PTPRB: variants seen among roughly 807,000 people sequenced by gnomAD.
The protein encoded by PTPRB is protein tyrosine phosphatase receptor type B.
Under a neutral mutation model 238.1 loss-of-function variants are expected in PTPRB, and 97 were observed. The observed-to-expected ratio is 0.41, with a 90% CI of 0.35 to 0.48. The LOEUF (loss-of-function observed/expected upper bound fraction) is 0.48, where lower values mean the gene tolerates loss of function less well. Ranked by LOEUF, PTPRB falls within the 20% of genes least tolerant of loss-of-function variation. The pLI, the probability that PTPRB is intolerant of heterozygous loss-of-function variation, is 0.30. For synonymous variants in PTPRB, 970 were observed against 995.4 expected (o/e 0.97, Z 0.48); for missense variants, 2,292 against 2,681.9 (o/e 0.85, Z 3.21).
chr12:70,564,400 C>T (rs374088327), intron 15 of PTPRB, among the ~76,000 whole-genome samples: 13 of 151,266 alleles, frequency 8.6e-5, no homozygotes, highest in Admixed American at 3.3e-4. Flanking sequence ...TAGTCCCACT[C>T]GGTATGCACT....
At chr12:70,575,158 C>T (rs757185956) in intron 11 of PTPRB, among the ~76,000 whole-genome samples, 2 of 152,160 alleles carry the variant, frequency 1.3e-5, no homozygotes, top group Non-Finnish European at 2.9e-5. Context: ...CTCTCGGATA[C>T]AGCATGATGG....
rs766697511 is a variant in PTPRB, at chr12:70,521,747, C to T, written c.6626-236G>A. ...CTGTTTTTATGGATGAAGCCATAGGCCCAGAGAGGCAGAGTAACTTACTCA... is the reference window on the plus strand; with the variant it reads ...CTGTTTTTATGGATGAAGCCATAGGTCCAGAGAGGCAGAGTAACTTACTCA... On this transcript the variant is annotated intron_variant, in intron 33 of 33. Transcript: ENST00000334414. Among the ~76,000 whole-genome samples, 99 of 152,278 alleles carry T rather than the reference C, an allele frequency of 6.5e-4. 2 individuals are homozygous for T. Among genetic ancestry groups the T allele is most frequent in the Non-Finnish European group, 2.9e-4 (20 of 68,010 alleles).
Position 70,571,832 on chromosome 12 carries a change from C to G in PTPRB, c.3098G>C (p.Gly1033Ala). 3 of 1,611,774 alleles carry G rather than the reference C, an allele frequency of 1.9e-6. No homozygotes were observed. The highest frequency in any genetic ancestry group is 2.5e-6 in the Non-Finnish European group (3 of 1,178,462). Residue 1033 changes from glycine to alanine, a missense_variant, in exon 12 of 34, where the codon GGG (glycine) becomes GCG (alanine). This residue lies in a region of PTPRB where 1,205 missense variants were observed against 1,287.8 expected (regional missense o/e 0.94). Transcript: ENST00000334414. ...GQYEANEQGN[G>A]RTIPEPVKDL... ...GCAATCGTTCCACTTACTTGTTCTC[C>G]CATTCCCTTGTTCATTGGCTTCATA...
chr12:70,605,256 G>A (rs1168335567), intron 4 of PTPRB, among the ~76,000 whole-genome samples: 2 of 152,114 alleles, frequency 1.3e-5, no homozygotes, highest in African/African-American at 2.4e-5. Flanking sequence ...ATAATCCAAT[G>A]AGAATAGAAT....
intron 28 of PTPRB, among the ~76,000 whole-genome samples, chr12:70,536,846 C>T (rs949293381): frequency 2.0e-5 from 3 of 152,230 alleles, no homozygotes; most frequent in Non-Finnish European, 4.4e-5. Flanking sequence ...TTATCCTCAG[C>T]ATGGTGCCTG....
At position 70,555,893 on chromosome 12, in the gene PTPRB, T is replaced by C. The variant is rs368854754; in HGVS notation, c.4970A>G (p.Asp1657Gly). ...ACGGTCTATCATTGTGATAGTGCTG[T>C]CTTCAACCACCTCGCTGGTCATGCC... is the stretch of plus-strand genomic sequence containing the variant. Reference protein sequence around the residue: ...SAGMTSEVVEDSTITMIDRPP... With the variant: ...SAGMTSEVVEGSTITMIDRPP... Residue 1657 changes from aspartate (D) to glycine (G), a missense_variant, in exon 19 of 34, where the codon GAC (aspartate) becomes GGC (glycine). Asp to Gly is a moderately conservative substitution (Grantham distance 94). Around this residue, in one of 4 missense-constraint regions of PTPRB, gnomAD observed 683 missense variants for 862.0 expected, o/e 0.79. Transcript: ENST00000334414. 1.2e-6 allele frequency: 2 copies of C among 1,612,936 alleles called. No individual in the cohort carries two copies. Among genetic ancestry groups the C allele is most frequent in the Non-Finnish European group, 1.7e-6 (2 of 1,179,872 alleles).
intron 3 of PTPRB, 132 bp downstream of exon 3, chr12:70,622,255 TAGC>T: frequency 7.8e-7 from 1 of 1,287,616 alleles, no homozygotes; most frequent in Non-Finnish European, 1.1e-6. Flanking sequence ...CCTGTACAAT[TAGC>T]AGCCAGGACA....
intron 21 of PTPRB, among the ~76,000 whole-genome samples, chr12:70,550,061 C>T (rs1235277559): frequency 1.3e-5 from 2 of 152,098 alleles, no homozygotes; most frequent in South Asian, 2.1e-4. Flanking sequence ...GCAGGTAATT[C>T]GATAAAGGGT....
chr12:70,599,999 A>G, intron 4 of PTPRB, among the ~76,000 whole-genome samples: 1 of 145,778 alleles, frequency 6.9e-6, no homozygotes, highest in Admixed American at 6.8e-5. Context: ...TTTTAATGTT[A>G]TTTAGAAAGA....
intron 11 of PTPRB, 120 bp from the exon 12 acceptor site, chr12:70,572,207 A>G: frequency 9.4e-7 from 1 of 1,069,108 alleles, no homozygotes; most frequent in East Asian, 2.4e-5. Flanking sequence ...ATTTAAAAGA[A>G]AAATCTTAGA....
rs757480355 is a variant in PTPRB at position 70,534,865 on chromosome 12, C to G, written c.6172G>C (p.Glu2058Gln). The G allele has an allele frequency of 6.2e-7, 1 of 1,614,004 alleles. No homozygotes were observed. Among genetic ancestry groups the G allele is most frequent in the South Asian group, 1.1e-5 (1 of 91,084 alleles). ...ATCTTAAACTCCCGGATGGTCCACT[C>G]AGGCAGGACGGACTCTGAGAGCATC... The part of the protein sequence containing the change: ...LQMLSESVLP[E>Q]WTIREFKICG... Residue 2058 changes from glutamate (E) to glutamine (Q), a missense_variant, in exon 30 of 34, where the codon GAG (glutamate) becomes CAG (glutamine). By Grantham distance (29) the Glu-to-Gln change is conservative. This residue lies in a region of PTPRB where 397 missense variants were observed against 502.0 expected (regional missense o/e 0.79). Coordinates refer to ENST00000334414, the MANE Select transcript of PTPRB (RefSeq NM_001109754.4).
intron 7 of PTPRB, 190 bp downstream of exon 7, chr12:70,592,092 A>C: frequency 1.4e-6 from 1 of 700,796 alleles, no homozygotes; most frequent in Non-Finnish European, 2.3e-6. Flanking sequence ...CATGCAGATC[A>C]TTCAGAAATC....
At chr12:70,524,994 T>C (rs1872213282) in intron 32 of PTPRB, among the ~76,000 whole-genome samples, 1 of 151,614 alleles carries the variant, frequency 6.6e-6, no homozygotes, top group African/African-American at 2.4e-5. Flanking sequence ...TGTGTGTATA[T>C]ATATATATAA....
At chr12:70,617,548 A>G (rs1018600566) in intron 3 of PTPRB, among the ~76,000 whole-genome samples, 7 of 151,950 alleles carry the variant, frequency 4.6e-5, no homozygotes, top group African/African-American at 1.7e-4. Context: ...AGTGAAGGGG[A>G]ATTTTTTCCC....
chr12:70,536,264 C>CT (rs1874109174), intron 28 of PTPRB, 105 bp from the exon 29 acceptor site: 1 of 1,316,812 alleles, frequency 7.6e-7, no homozygotes, highest in Non-Finnish European at 1.0e-6. Flanking sequence ...TGCCAAGTCT[C>CT]TGACTTCAGA....
rs1226009182 is a variant in PTPRB at position 70,571,077 on chromosome 12, A to G, written c.3319T>C (p.Leu1107=). Residue 1107 remains leucine (L), a synonymous_variant, in exon 13 of 34, where the codon TTG becomes CTG. Transcript: ENST00000334414. ...TPGRQYKILV[L]TISGDVQQSA... is the part of the protein sequence containing the mutation. ...TGCTGTACATCCCCGCTAATCGTCA[A>G]GACAAGAATTTTGTATTGGCGGCCT... The G allele has an allele frequency of 1.9e-6, 3 of 1,613,922 alleles. No individual in the cohort carries two copies. The highest frequency in any genetic ancestry group is 2.5e-6 in the Non-Finnish European group (3 of 1,179,910).
At chr12:70,526,195 A>T (rs552051982) in intron 32 of PTPRB, among the ~76,000 whole-genome samples, 1 of 152,234 alleles carries the variant, frequency 6.6e-6, no homozygotes, top group Non-Finnish European at 1.5e-5. Flanking sequence ...AGAACATTTA[A>T]TTTAATTAAT....
At position 70,626,315 on chromosome 12, in the gene PTPRB, C is replaced by A. The variant is rs1409689039; in HGVS notation, c.452-3669G>T. Among the ~76,000 whole-genome samples the A allele has an allele frequency of 4.5e-5, 6 of 134,392 alleles. 1 individual carries two copies. Among genetic ancestry groups the A allele is most frequent in the African/African-American group, 1.7e-4 (6 of 34,530 alleles). 88.2% of individuals were successfully genotyped at this position (134,392 alleles called of 152,430 possible). ...TCCATCCATCTATCTATCTATCTAT[C>A]TATCTATCTATCTATCTATCTATCT... On this transcript the variant is annotated intron_variant, in intron 2 of 33. Transcript: ENST00000334414.
rs990053768 is a variant in PTPRB, at chr12:70,590,231, G to A, written c.1783C>T (p.Pro595Ser). 3.9e-6 allele frequency: 6 copies of A among 1,547,880 alleles called. No homozygotes were observed. Among genetic ancestry groups the A allele is most frequent in the Non-Finnish European group, 5.2e-6 (6 of 1,147,306 alleles). The change falls in exon 8 of 34, where the codon CCA becomes TCA. Residue 595 changes from proline to serine, a missense_variant and splice_region_variant. Physicochemically the swap from Pro to Ser is moderately conservative, Grantham distance 74 (BLOSUM62 -1). Transcript: ENST00000334414. ...GCCTCCAGGTTTGCAACTTTGTCTG[G>A]AACTAAACGGTGAAATGATGTCAAA... ...AQKMAVGRTF[P>S]DKVANLEANN...
Sources: gnomAD v4.1 joint callset for allele counts (sites outside exome capture counted in the v4.1 genomes callset) on GRCh38, gnomAD v4.1.1 for gene constraint, gnomAD v4.1.1 regional missense constraint, MANE v1.5 for transcripts, NCBI Gene and HGNC (gene_info 2026-07-23, HGNC 2026-07-21) for gene names.